The following ATXN7 variants were observed in gnomAD, a reference collection of about 807,000 sequenced individuals.
ATXN7 encodes the protein ataxin 7.
Under a neutral mutation model 70.5 loss-of-function variants are expected in ATXN7, and 12 were observed. The ratio of observed to expected loss-of-function variants is 0.17; its 90% confidence interval spans 0.11 to 0.28. ATXN7 has a LOEUF of 0.28. Among genes scored for constraint, ATXN7 ranks in the 10% least tolerant of loss-of-function variants. The pLI is 1.00. For synonymous variants in ATXN7, 498 were observed against 448.7 expected, an observed-to-expected ratio of 1.11 and a Z score of -1.39; for missense variants, 1,256 against 1,131.7, an observed-to-expected ratio of 1.11 and a Z score of -1.58.
intron 1 of ATXN7, among the ~76,000 whole-genome samples, chr3:63,888,966 G>T (rs910618376): frequency 6.6e-6 from 1 of 151,950 alleles, no homozygotes; most frequent in Non-Finnish European, 1.5e-5. Context: ...ATTTTAAAAA[G>T]AATTTTATTT....
At position 63,990,858 on chromosome 3, in the gene ATXN7, A is replaced by T. The variant is rs762521523; in HGVS notation, c.1681A>T (p.Lys561Ter). ...GAAGCATCTGAATGCACAGCTATGGAAGTGAGTGCCTGTTGTTCTTGGGAG... is the reference window on the plus strand; with the variant it reads ...GAAGCATCTGAATGCACAGCTATGGTAGTGAGTGCCTGTTGTTCTTGGGAG... ...VEKHLNAQLWKKIPPVPSTTS... is the reference protein window; with the variant it reads ...VEKHLNAQLW The change falls in exon 11 of 13, where the codon AAG becomes TAG. Residue 561 changes from lysine to a stop codon, truncating the protein, a stop_gained and splice_region_variant. Coordinates refer to ENST00000674280, the MANE Select transcript of ATXN7 (RefSeq NM_001377405.1). LOFTEE classifies it high-confidence loss of function. 1.2e-6 allele frequency: 2 copies of T among 1,614,222 alleles called. No individual in the cohort carries two copies.
intron 1 of ATXN7, among the ~76,000 whole-genome samples, chr3:63,891,298 G>A (rs1040520633): frequency 6.1e-5 from 9 of 147,294 alleles, no homozygotes; most frequent in South Asian, 2.2e-4. Context: ...CGTGAGCGAC[G>A]AGCGACTGCA....
chr3:63,954,697 G>A (rs1405725111), intron 5 of ATXN7, among the ~76,000 whole-genome samples: 1 of 144,558 alleles, frequency 6.9e-6, no homozygotes, highest in African/African-American at 2.6e-5. Context: ...GTAGGAAAAA[G>A]TGTTTTTTTT....
rs189071535 is a variant in ATXN7 at position 63,971,043 on chromosome 3, G to C, written c.500-8872G>C. Among the ~76,000 whole-genome samples the C allele has an allele frequency of 3.1e-3, 472 of 152,318 alleles. 3 individuals are homozygous for C. Among genetic ancestry groups the C allele is most frequent in the African/African-American group, 0.011 (457 of 41,582 alleles). The stretch of plus-strand genomic sequence containing the variant: ...TTAATTTAAAAGCACCTCCGCATTA[G>C]GGGGAGGAGAGATGCCTTTGGCAGA... On this transcript the variant is annotated intron_variant, in intron 5 of 12. Coordinates refer to ENST00000674280, the MANE Select transcript of ATXN7 (RefSeq NM_001377405.1).
At chr3:63,973,282 C>A (rs1351398967) in intron 5 of ATXN7, among the ~76,000 whole-genome samples, 2 of 152,150 alleles carry the variant, frequency 1.3e-5, no homozygotes, top group African/African-American at 4.8e-5. Flanking sequence ...CTGTGCCCAG[C>A]AGTCCTGAGC....
chr3:63,907,629 T>G lies in ATXN7; in HGVS notation c.-11-4959T>G, dbSNP rs1703885923. ...ACATGCCTGCATGCCTGGCTGTATT[T>G]TTTTTTTTTTTTTCAGTAGAGACTA... is the stretch of plus-strand genomic sequence containing the variant. On this transcript the variant is annotated intron_variant, in intron 2 of 12. Transcript: ENST00000674280. Among the ~76,000 whole-genome samples the G allele has an allele frequency of 2.0e-5, 3 of 150,178 alleles. No homozygotes were observed. The South Asian group carries it at 6.3e-4, about 31-fold the overall frequency.
intron 8 of ATXN7, among the ~76,000 whole-genome samples, chr3:63,984,604 T>C (rs12633353): frequency 0.098 from 14,960 of 152,234 alleles, 1,017 homozygotes; most frequent in East Asian, 0.28. Flanking sequence ...GGCAATGAGG[T>C]TTGCTTTTTT....
At chr3:63,977,594 A>T (rs1268555800) in intron 5 of ATXN7, among the ~76,000 whole-genome samples, 2 of 152,156 alleles carry the variant, frequency 1.3e-5, no homozygotes, top group Non-Finnish European at 2.9e-5. Flanking sequence ...TGTTTCACAG[A>T]TACTATTGTT....
chr3:63,979,550 T>C (rs1254995532), intron 5 of ATXN7, among the ~76,000 whole-genome samples: 2 of 152,248 alleles, frequency 1.3e-5, no homozygotes, highest in Non-Finnish European at 2.9e-5. Context: ...AGCAGAGCTC[T>C]GCAGATGAAT....
In ATXN7 at chr3:63,990,028, C is replaced by T. The variant is rs141256381; in HGVS notation, c.1362-148C>T. 8.3e-3 allele frequency: 5,703 copies of T among 687,636 alleles called. 34 individuals are homozygous for T. The highest frequency in any genetic ancestry group is 0.012 in the Non-Finnish European group (4,975 of 414,260). 42.6% of individuals were successfully genotyped at this position (687,636 alleles called of 1,614,324 possible). On this transcript the variant is annotated intron_variant, in intron 9 of 12. Transcript: ENST00000674280. ...GAGAGAGGTTCCTTTACTCCCAAGCCACCTGGATCAGCATCTGTTTTCCCC... is the reference window on the plus strand; with the variant it reads ...GAGAGAGGTTCCTTTACTCCCAAGCTACCTGGATCAGCATCTGTTTTCCCC...
chr3:63,996,351 G>A lies in ATXN7; in HGVS notation c.2529G>A (p.Ser843=), dbSNP rs778995089. ...AGAAAAGAAAGTGCTCACCCAGCTC[G>A]AGCAGCATCAACAACAGCAGCAGCA... is the stretch of plus-strand genomic sequence containing the variant. The part of the protein sequence containing the change: ...IGKKRKCSPS[S]SSINNSSSKP... The change falls in exon 12 of 13, where the codon TCG becomes TCA. Residue 843 remains serine, a synonymous_variant. Coordinates refer to ENST00000674280, the MANE Select transcript of ATXN7 (RefSeq NM_001377405.1). 6 of 1,614,118 alleles carry A rather than the reference G, an allele frequency of 3.7e-6. No individual in the cohort carries two copies. Among genetic ancestry groups the A allele is most frequent in the East Asian group, 2.2e-5 (1 of 44,870 alleles).
intron 12 of ATXN7, 101 bp downstream of exon 12, chr3:63,996,584 TG>T: frequency 7.5e-7 from 1 of 1,333,102 alleles, no homozygotes; most frequent in East Asian, 2.5e-5. Context: ...TTGGTTGGTT[TG>T]TAAACAGATA....
chr3:63,995,640 C>G lies in ATXN7; in HGVS notation c.1818C>G (p.Leu606=), dbSNP rs777861661. Residue 606 remains leucine (L), a synonymous_variant, in exon 12 of 13, where the codon CTC becomes CTG. Coordinates refer to ENST00000674280, the MANE Select transcript of ATXN7 (RefSeq NM_001377405.1). ...AATVSTSPVL[L]SSTCISPNSK... is the part of the protein sequence containing the mutation. ...CCGTCTCTACATCCCCAGTCCTGCT[C>G]TCATCTACCTGCATCTCCCCAAATA... 6.2e-6 allele frequency: 10 copies of G among 1,614,202 alleles called. No individual in the cohort carries two copies. Among genetic ancestry groups the G allele is most frequent in the African/African-American group, 1.3e-5 (1 of 75,044 alleles).
chr3:63,967,980 G>A, intron 5 of ATXN7: 1 of 1,534,808 alleles, frequency 6.5e-7, no homozygotes, highest in South Asian at 1.2e-5. Context: ...CACTGGGTAA[G>A]TTTTCTGAGG....
intron 8 of ATXN7, among the ~76,000 whole-genome samples, chr3:63,987,790 C>T (rs1454500936): frequency 1.3e-5 from 2 of 151,938 alleles, no homozygotes; most frequent in African/African-American, 4.8e-5. Context: ...TAGTTACATA[C>T]CAGGTGTCAC....
At chr3:63,879,756 CA>C (rs1350536457) in intron 1 of ATXN7, among the ~76,000 whole-genome samples, 1 of 151,996 alleles carries the variant, frequency 6.6e-6, no homozygotes, top group Admixed American at 6.5e-5. Flanking sequence ...AGTGAATTAG[CA>C]AAAAGATTCT....
At position 63,947,828 on chromosome 3, in the gene ATXN7, T is replaced by C. The variant is rs184825387; in HGVS notation, c.395-4551T>C. Among the ~76,000 whole-genome samples, 15 of 151,894 alleles carry C rather than the reference T, an allele frequency of 9.9e-5. 1 individual carries two copies. The East Asian group carries it at 2.9e-3, about 29-fold the overall frequency. On this transcript the variant is annotated intron_variant, in intron 4 of 12. Transcript: ENST00000674280. ...CATCTTGTGAAGTGCAAGCATAGAG[T>C]CTGGCTGGGGAAAAGGTTTCTGGGT...
intron 4 of ATXN7, among the ~76,000 whole-genome samples, chr3:63,941,944 T>A (rs1158838469): frequency 6.6e-6 from 1 of 152,192 alleles, no homozygotes; most frequent in African/African-American, 2.4e-5. Flanking sequence ...CCTGTTGAAA[T>A]AAATTTGGAA....
chr3:63,932,192 T>C (rs980418243), intron 4 of ATXN7, among the ~76,000 whole-genome samples: 3 of 152,196 alleles, frequency 2.0e-5, no homozygotes, highest in Admixed American at 2.0e-4. Flanking sequence ...TCAAGGTAAT[T>C]AAAAAATTTT....
Sources: allele counts gnomAD v4.1 joint callset (sites outside exome capture counted in the v4.1 genomes callset), GRCh38; gene constraint gnomAD v4.1.1; transcripts MANE v1.5; gene names NCBI Gene and HGNC (gene_info 2026-07-23, HGNC 2026-07-21).